Variants in PHACTR2 observed in about 807,000 individuals in gnomAD.
PHACTR2 encodes phosphatase and actin regulator 2.
In PHACTR2, 30 loss-of-function variants were observed where a neutral mutation model predicts 76.0. That is an observed-to-expected ratio of 0.39 (90% CI 0.30 to 0.54). PHACTR2 has a LOEUF of 0.54. Ranked by LOEUF, PHACTR2 falls within the 20% of genes least tolerant of loss-of-function variation. The pLI is 0.61. For synonymous variants in PHACTR2, 292 were observed against 292.5 expected (o/e 1.00, Z 0.02); for missense variants, 696 against 781.1 (o/e 0.89, Z 1.30).
intron 4 of PHACTR2, among the ~76,000 whole-genome samples, chr6:143,759,438 G>A (rs1305478082): frequency 6.6e-6 from 1 of 152,098 alleles, no homozygotes; most frequent in Non-Finnish European, 1.5e-5. Flanking sequence ...CAAATTGCTT[G>A]AGCCCAGGAG....
chr6:143,802,356 A>T (rs1775977163), intron 11 of PHACTR2, among the ~76,000 whole-genome samples: 1 of 152,096 alleles, frequency 6.6e-6, no homozygotes, highest in Non-Finnish European at 1.5e-5. Flanking sequence ...AATCAGTCCC[A>T]GACTGGGTGT....
In PHACTR2 at chr6:143,592,536, T is replaced by C. The variant is rs1171776623; in HGVS notation, c.217+55329T>C. On this transcript the variant is annotated intron_variant, in intron 1 of 11. Transcript: ENST00000367584. The surrounding 1 kb of genome is among the most constrained non-coding windows in gnomAD (Gnocchi z 4.0). ...GCTATTCACATCGACTAATACTCTA[T>C]AGGGGCCATTCCCTTGATTTGGTCA... Among the ~76,000 whole-genome samples, 2 of 152,172 alleles carry C rather than the reference T, an allele frequency of 1.3e-5. No homozygotes were observed. The highest frequency in any genetic ancestry group is 2.4e-5 in the African/African-American group (1 of 41,440).
chr6:143,808,749 T>G (rs1308413441), intron 12 of PHACTR2, among the ~76,000 whole-genome samples: 1 of 152,234 alleles, frequency 6.6e-6, no homozygotes, highest in East Asian at 1.9e-4. Context: ...TGTTTTTATA[T>G]ACATGTAGAG....
chr6:143,774,123 T>A lies in PHACTR2; in HGVS notation c.1497T>A (p.Ser499=), dbSNP rs1410575630. 6.2e-7 allele frequency: 1 copy of A among 1,613,834 alleles called. No individual in the cohort carries two copies. Among genetic ancestry groups the A allele is most frequent in the Non-Finnish European group, 8.5e-7 (1 of 1,179,736 alleles). The change falls in exon 8 of 13, where the codon TCT becomes TCA. Residue 499 remains serine, a synonymous_variant. Coordinates refer to ENST00000440869, the MANE Select transcript of PHACTR2 (RefSeq NM_001100164.2). The surrounding 1 kb of genome is among the most constrained non-coding windows in gnomAD (Gnocchi z 5.4). ...CTATCAAACTTGGCAACAGACCATC[T>A]AAGAAAGAACTAGAGGACAAAAACA... ...TLAIKLGNRP[S]KKELEDKNIL...
chr6:143,566,496 G>T (rs1236061345), intron 1 of PHACTR2, among the ~76,000 whole-genome samples: 1 of 148,430 alleles, frequency 6.7e-6, no homozygotes, highest in Non-Finnish European at 1.5e-5. Context: ...AGAGAAAGGG[G>T]TCTTACTGTG....
chr6:143,662,803 T>A lies in PHACTR2; in HGVS notation c.14-49213T>A, dbSNP rs945163973. 2.0e-5 allele frequency among the ~76,000 whole-genome samples: 3 copies of A among 152,130 alleles called. No individual in the cohort carries two copies. The highest frequency in any genetic ancestry group is 7.2e-5 in the African/African-American group (3 of 41,422). On this transcript the variant is annotated intron_variant, in intron 1 of 11. Transcript: ENST00000305766. This position sits in a 1 kb window ranked among gnomAD's most constrained non-coding sequence, Gnocchi z 4.7. ...TATGTATGGAGGACTGTTATATGGG[T>A]GTATATTGCACCCAGACAGTGAGCA...
rs1774995165 is a variant in PHACTR2, at chr6:143,546,290, A to G, written c.217+9083A>G. ...ATGCCTTACTTTGCAGTTTCTTGAT[A>G]CCTCTGTGAAGTCTTGAGAAAGAGT... is the stretch of plus-strand genomic sequence containing the variant. On this transcript the variant is annotated intron_variant, in intron 1 of 11. Transcript: ENST00000367584. The surrounding 1 kb of genome is among the most constrained non-coding windows in gnomAD (Gnocchi z 4.9). Among the ~76,000 whole-genome samples the G allele has an allele frequency of 6.6e-6, 1 of 151,826 alleles. No homozygotes were observed. The highest frequency in any genetic ancestry group is 2.4e-5 in the African/African-American group (1 of 41,310).
chr6:143,562,663 C>T lies in PHACTR2; in HGVS notation c.217+25456C>T, dbSNP rs1713394702. On this transcript the variant is annotated intron_variant, in intron 1 of 11. Transcript: ENST00000367584. This position sits in a 1 kb window ranked among gnomAD's most constrained non-coding sequence, Gnocchi z 5.1. ...TCTTAAAATTTATGTATATACAATT[C>T]ATGCCACAGACTCTCATTGTGAAAG... Among the ~76,000 whole-genome samples the T allele has an allele frequency of 6.6e-6, 1 of 152,144 alleles. No homozygotes were observed. The highest frequency in any genetic ancestry group is 1.5e-5 in the Non-Finnish European group (1 of 68,024).
rs1775043929 is a variant in PHACTR2, at chr6:143,548,711, C to T, written c.217+11504C>T. Among the ~76,000 whole-genome samples the T allele has an allele frequency of 2.6e-5, 4 of 151,950 alleles. No individual in the cohort carries two copies. The South Asian group carries it at 8.3e-4, about 32-fold the overall frequency. ...ATTCATTACCTCCTTGTACCTGGGG[C>T]CCGGGGAGGTAAGAAATTGCAGGGC... On this transcript the variant is annotated intron_variant, in intron 1 of 11. Transcript: ENST00000367584. The surrounding 1 kb of genome is among the most constrained non-coding windows in gnomAD (Gnocchi z 4.5).
Position 143,755,778 on chromosome 6 carries a change from G to A in PHACTR2, c.454+1866G>A, listed in dbSNP as rs760606816. On this transcript the variant is annotated intron_variant, in intron 4 of 12. Coordinates refer to ENST00000440869, the MANE Select transcript of PHACTR2 (RefSeq NM_001100164.2). The surrounding 1 kb of genome is among the most constrained non-coding windows in gnomAD (Gnocchi z 5.2). ...AAGCGCTAGGTATAGAAGCCACTTC[G>A]TGAGACTGAAAAGAATGTCACGCAT... is the stretch of plus-strand genomic sequence containing the variant. Among the ~76,000 whole-genome samples the A allele has an allele frequency of 1.9e-4, 29 of 152,146 alleles. No individual in the cohort carries two copies. Among genetic ancestry groups the A allele is most frequent in the African/African-American group, 4.8e-4 (20 of 41,434 alleles).
rs1774996774 is a variant in PHACTR2, at chr6:143,546,402, G to A, written c.217+9195G>A. ...TTATCTCTCTCTAGAACTTTGGACT[G>A]TGGCTAGGGCAAGAATGTCAGAGGT... On this transcript the variant is annotated intron_variant, in intron 1 of 11. Transcript: ENST00000367584. This position sits in a 1 kb window ranked among gnomAD's most constrained non-coding sequence, Gnocchi z 4.9. Among the ~76,000 whole-genome samples the A allele has an allele frequency of 6.6e-6, 1 of 151,690 alleles. No individual in the cohort carries two copies. Among genetic ancestry groups the A allele is most frequent in the Non-Finnish European group, 1.5e-5 (1 of 67,978 alleles).
Position 143,765,578 on chromosome 6 carries a change from C to T in PHACTR2, c.1012C>T (p.Pro338Ser), listed in dbSNP as rs746545523. ...TGKFKSMVPP[P>S]PVAPAPSPLA... ...CAAATTCAAGTCCATGGTCCCTCCA[C>T]CCCCTGTGGCTCCAGCACCTTCTCC... Residue 338 changes from proline to serine, a missense_variant, in exon 6 of 13, where the codon CCC (proline) becomes TCC (serine). Pro to Ser is a moderately conservative substitution (Grantham distance 74). Coordinates refer to ENST00000440869, the MANE Select transcript of PHACTR2 (RefSeq NM_001100164.2). The surrounding 1 kb of genome is among the most constrained non-coding windows in gnomAD (Gnocchi z 4.1). 6.8e-6 allele frequency: 11 copies of T among 1,613,864 alleles called. No individual in the cohort carries two copies. Among genetic ancestry groups the T allele is most frequent in the Non-Finnish European group, 9.3e-6 (11 of 1,179,874 alleles).
At chr6:143,758,845 T>C (rs555374495) in intron 4 of PHACTR2, among the ~76,000 whole-genome samples, 1 of 152,332 alleles carries the variant, frequency 6.6e-6, no homozygotes, top group Non-Finnish European at 1.5e-5. Context: ...GCTAATTATA[T>C]ATGTGGATTG....
intron 1 of PHACTR2, among the ~76,000 whole-genome samples, chr6:143,649,098 C>T (rs1776711431): frequency 6.6e-6 from 1 of 152,010 alleles, no homozygotes; most frequent in African/African-American, 2.4e-5. Flanking sequence ...TTTGCCTTTC[C>T]ACATGGCTTC....
chr6:143,605,552 G>A (rs1295168749), upstream of PHACTR2, among the ~76,000 whole-genome samples: 1 of 152,196 alleles, frequency 6.6e-6, no homozygotes, highest in East Asian at 1.9e-4. The surrounding 1 kb of genome is among the most constrained non-coding windows in gnomAD (Gnocchi z 5.0). Flanking sequence ...GGGAGGGACA[G>A]AGGAGGGGCA....
At chr6:143,622,013 C>G (rs939965948) in intron 1 of PHACTR2, among the ~76,000 whole-genome samples, 1 of 152,082 alleles carries the variant, frequency 6.6e-6, no homozygotes, top group South Asian at 2.1e-4. Context: ...AGAGTGTTAT[C>G]CTTTTGTTCA....
At chr6:143,651,826 C>T (rs1156635046) in intron 1 of PHACTR2, among the ~76,000 whole-genome samples, 4 of 151,608 alleles carry the variant, frequency 2.6e-5, no homozygotes. Flanking sequence ...ACCTGCATAT[C>T]CTGCACATGT....
At chr6:143,759,465 G>A (rs1330502679) in intron 4 of PHACTR2, among the ~76,000 whole-genome samples, 4 of 151,952 alleles carry the variant, frequency 2.6e-5, no homozygotes, top group Admixed American at 1.3e-4. Flanking sequence ...ACCAGCCTGG[G>A]CAATGTGGCA....
chr6:143,643,198 T>C lies in PHACTR2; in HGVS notation c.13+34876T>C, dbSNP rs79470096. 1.5e-3 allele frequency among the ~76,000 whole-genome samples: 235 copies of C among 152,306 alleles called. 3 individuals carry two copies. The East Asian group carries it at 0.024, about 15-fold the overall frequency. On this transcript the variant is annotated intron_variant, in intron 1 of 11. Transcript: ENST00000305766. ...TTATTGTTTAAATGGGTCTTTTTTT[T>C]GCAAAAAATATTTCATAAATAATCT...
Sources: allele counts gnomAD v4.1 joint callset (sites outside exome capture counted in the v4.1 genomes callset), GRCh38; gene constraint gnomAD v4.1.1; non-coding constraint Gnocchi (gnomAD v3.1); transcripts MANE v1.5; gene names NCBI Gene and HGNC (gene_info 2026-07-23, HGNC 2026-07-21).